The following FOXP1 variants were observed in gnomAD, a reference collection of about 807,000 sequenced individuals.
FOXP1 encodes the protein forkhead box protein P1.
FOXP1 carries 15 observed loss-of-function variants against 98.2 expected under a neutral mutation model. The observed-to-expected ratio is 0.15, with a 90% CI of 0.10 to 0.24. The LOEUF (loss-of-function observed/expected upper bound fraction) is 0.24. Among genes scored for constraint, FOXP1 ranks in the 10% least tolerant of loss-of-function variants. The probability of loss-of-function intolerance (pLI) is 1.00; values close to 1 mark genes in which losing one functional copy is unlikely to be tolerated. For synonymous variants in FOXP1, 371 were observed against 314.5 expected, an observed-to-expected ratio of 1.18 and a Z score of -1.90; for missense variants, 633 against 848.5, an observed-to-expected ratio of 0.75 and a Z score of 3.15.
chr3:71,055,293 T>C (rs1576468641), intron 7 of FOXP1, among the ~76,000 whole-genome samples: 2 of 152,328 alleles, frequency 1.3e-5, no homozygotes, highest in African/African-American at 4.8e-5. Context: ...TTGTTTCATG[T>C]GTGGGGATGT....
At chr3:71,078,211 T>C (rs1049695882) in intron 7 of FOXP1, among the ~76,000 whole-genome samples, 3 of 152,234 alleles carry the variant, frequency 2.0e-5, no homozygotes, top group Non-Finnish European at 4.4e-5. Flanking sequence ...CTGTGGTGCG[T>C]TTCACATAGT....
intron 19 of FOXP1, among the ~76,000 whole-genome samples, chr3:70,967,700 GT>G (rs1553657848): frequency 4.7e-4 from 30 of 63,632 alleles, no homozygotes; most frequent in Admixed American, 5.9e-4. Context: ...TTTTTTTTTT[GT>G]TTTTTTTTGT....
At chr3:71,536,325 T>C (rs1409560506) in intron 2 of FOXP1, among the ~76,000 whole-genome samples, 1 of 152,138 alleles carries the variant, frequency 6.6e-6, no homozygotes, top group Non-Finnish European at 1.5e-5. Flanking sequence ...TGCAGAACAA[T>C]GCAATTCGCT....
chr3:71,428,745 T>A (rs950419785), intron 3 of FOXP1, among the ~76,000 whole-genome samples: 1 of 152,224 alleles, frequency 6.6e-6, no homozygotes, highest in Admixed American at 6.5e-5. Flanking sequence ...ACATTTGTGA[T>A]CCCTACAATG....
intron 4 of FOXP1, among the ~76,000 whole-genome samples, chr3:71,328,806 C>T (rs1181264474): frequency 6.6e-6 from 1 of 151,818 alleles, no homozygotes; most frequent in Non-Finnish European, 1.5e-5. Context: ...AACCCCGTTT[C>T]TACTAAAAAT....
intron 2 of FOXP1, among the ~76,000 whole-genome samples, chr3:71,545,694 G>A (rs914068834): frequency 3.9e-4 from 59 of 152,136 alleles, no homozygotes; most frequent in African/African-American, 1.4e-3. Context: ...TATATATATC[G>A]TTTTCGCAAT....
At chr3:71,221,936 C>T (rs11918277) in intron 5 of FOXP1, among the ~76,000 whole-genome samples, 31,049 of 152,070 alleles carry the variant, frequency 0.2, 3,265 homozygotes, top group East Asian at 0.25. Flanking sequence ...AGGCGGATCA[C>T]GAGGTGAAGA....
chr3:71,445,108 T>C (rs2086297006), intron 3 of FOXP1, among the ~76,000 whole-genome samples: 1 of 152,078 alleles, frequency 6.6e-6, no homozygotes, highest in African/African-American at 2.4e-5. Flanking sequence ...CAACATACCT[T>C]TAGTCCTTAG....
intron 3 of FOXP1, among the ~76,000 whole-genome samples, chr3:71,389,395 G>C (rs1424069000): frequency 8.0e-4 from 122 of 152,126 alleles, no homozygotes; most frequent in African/African-American, 2.4e-5. Context: ...GGATCATCTC[G>C]ATAGGTAGCA....
At chr3:71,414,537 T>C (rs1370453033) in intron 3 of FOXP1, among the ~76,000 whole-genome samples, 4 of 152,234 alleles carry the variant, frequency 2.6e-5, no homozygotes, top group Non-Finnish European at 5.9e-5. Flanking sequence ...CTGGGTAAGA[T>C]TTAGGTCTCA....
chr3:71,075,895 T>G (rs2053758700), intron 7 of FOXP1, among the ~76,000 whole-genome samples: 1 of 151,952 alleles, frequency 6.6e-6, no homozygotes, highest in South Asian at 2.1e-4. Flanking sequence ...TTTATTTTTC[T>G]TTTTTGTAGG....
chr3:71,418,116 GGTGTGTGTGTGTGT>G (rs60973104), intron 3 of FOXP1, among the ~76,000 whole-genome samples: 1 of 147,382 alleles, frequency 6.8e-6, no homozygotes, highest in Admixed American at 6.8e-5. Flanking sequence ...TGTGCTTGTG[GGTGTGTGTGTGTGT>G]GTGTGTGTGT....
chr3:71,246,246 G>A (rs529118151), intron 5 of FOXP1, among the ~76,000 whole-genome samples: 16 of 152,280 alleles, frequency 1.1e-4, no homozygotes, highest in Admixed American at 6.5e-4. Flanking sequence ...CTTCGGTAGC[G>A]GCCAGCCCTC....
At chr3:71,038,466 C>T (rs2047905701) in intron 11 of FOXP1, among the ~76,000 whole-genome samples, 1 of 152,124 alleles carries the variant, frequency 6.6e-6, no homozygotes, top group African/African-American at 2.4e-5. Flanking sequence ...AAAACTTATC[C>T]AAGGCAGTGA....
intron 10 of FOXP1, among the ~76,000 whole-genome samples, chr3:71,044,545 A>G (rs1385089338): frequency 1.3e-5 from 2 of 152,178 alleles, no homozygotes; most frequent in African/African-American, 4.8e-5. Context: ...CCTTCAAAAT[A>G]TTAATTCTCT....
chr3:71,370,441 T>A (rs1483633126), intron 3 of FOXP1, among the ~76,000 whole-genome samples: 1 of 152,192 alleles, frequency 6.6e-6, no homozygotes, highest in Non-Finnish European at 1.5e-5. Context: ...GCACTTGTCC[T>A]TAAACATCCA....
At chr3:71,166,354 T>C (rs1042847900) in intron 6 of FOXP1, among the ~76,000 whole-genome samples, 13 of 152,208 alleles carry the variant, frequency 8.5e-5, no homozygotes, top group Admixed American at 7.8e-4. Context: ...TGGAAACCTG[T>C]TACGGCCCCC....
intron 6 of FOXP1, among the ~76,000 whole-genome samples, chr3:71,138,641 T>G (rs2059929166): frequency 6.6e-6 from 1 of 152,172 alleles, no homozygotes; most frequent in Admixed American, 6.5e-5. Context: ...TATACCACAC[T>G]TCTAAATAAC....
chr3:71,052,760 T>G (rs1329955453), intron 8 of FOXP1, 134 bp from the exon 9 acceptor site: 1 of 706,346 alleles, frequency 1.4e-6, no homozygotes, highest in Non-Finnish European at 2.6e-6. Context: ...AGTTTGAAAC[T>G]CGACAATAAA....
Sources: allele counts gnomAD v4.1 joint callset (sites outside exome capture counted in the v4.1 genomes callset), GRCh38; gene constraint gnomAD v4.1.1; transcripts MANE v1.5; gene names NCBI Gene and HGNC (gene_info 2026-07-23, HGNC 2026-07-21).